ZC3H6: variants seen among roughly 807,000 people sequenced by gnomAD.
The protein encoded by ZC3H6 is zinc finger CCCH domain-containing protein 6.
ZC3H6 carries 40 observed loss-of-function variants against 107.7 expected under a neutral mutation model. The observed-to-expected ratio is 0.37, with a 90% CI of 0.29 to 0.48. The LOEUF is 0.48. Among genes scored for constraint, ZC3H6 ranks in the 20% least tolerant of loss-of-function variants. The probability of loss-of-function intolerance (pLI) is 0.98; values close to 1 mark genes in which losing one functional copy is unlikely to be tolerated. For synonymous variants in ZC3H6, 493 were observed against 487.9 expected (o/e 1.01, Z -0.14); for missense variants, 1,267 against 1,410.4 (o/e 0.90, Z 1.63).
intron 5 of ZC3H6, among the ~76,000 whole-genome samples, chr2:112,314,546 CTTG>C (rs1676656521): frequency 6.6e-6 from 1 of 151,938 alleles, no homozygotes; most frequent in African/African-American, 2.4e-5. Context: ...CTAAGTACAA[CTTG>C]TTGCATTTTT....
intron 1 of ZC3H6, among the ~76,000 whole-genome samples, chr2:112,291,340 TCTC>T (rs1405260059): frequency 6.6e-6 from 1 of 152,216 alleles, no homozygotes; most frequent in Non-Finnish European, 1.5e-5. Flanking sequence ...CTCAAGCAAT[TCTC>T]CTGCCTCAGC....
chr2:112,293,634 A>G (rs1443724863), intron 1 of ZC3H6, among the ~76,000 whole-genome samples: 1 of 152,192 alleles, frequency 6.6e-6, no homozygotes, highest in Non-Finnish European at 1.5e-5. Context: ...AGCAGACAGT[A>G]TTTTCCTTGA....
chr2:112,324,895 T>G, intron 10 of ZC3H6, 69 bp from the exon 11 acceptor site: 1 of 1,391,052 alleles, frequency 7.2e-7, no homozygotes, highest in Non-Finnish European at 9.9e-7. Flanking sequence ...GATGAAAGCT[T>G]TCATTTCTTA....
chr2:112,276,064 G>A, intron 1 of ZC3H6, 38 bp downstream of exon 1: 1 of 1,534,756 alleles, frequency 6.5e-7, no homozygotes, highest in Non-Finnish European at 8.8e-7. Context: ...TGTCGGATGA[G>A]AGGAGGGGTC....
intron 1 of ZC3H6, among the ~76,000 whole-genome samples, chr2:112,286,638 A>G (rs530964621): frequency 1.1e-4 from 17 of 152,186 alleles, no homozygotes; most frequent in Non-Finnish European, 2.1e-4. Flanking sequence ...GGGTTTTGCC[A>G]TGTTGCCCAG....
rs773630722 is a variant in ZC3H6 at position 112,276,011 on chromosome 2, A to T, written c.17A>T (p.His6Leu). ...TGACCAAACATGACAGACTCTGAAC[A>T]TGCAGGGCACGACAGGTCGGGAACC... is the stretch of plus-strand genomic sequence containing the variant. The part of the protein sequence containing the change: MTDSE[H>L]AGHDREDGEL... Residue 6 changes from histidine to leucine, a missense_variant, in exon 1 of 12, where the codon CAT becomes CTT. Physicochemically the swap from His to Leu is moderately conservative, Grantham distance 99. This residue lies in a region of ZC3H6 where 337 missense variants were observed against 361.2 expected (regional missense o/e 0.93). Transcript: ENST00000409871. 2 of 1,541,366 alleles carry T rather than the reference A, an allele frequency of 1.3e-6. No homozygotes were observed. The highest frequency in any genetic ancestry group is 2.0e-5 in the Admixed American group (1 of 50,184).
At chr2:112,319,562 C>A (rs1208065276) in intron 7 of ZC3H6, among the ~76,000 whole-genome samples, 1 of 151,986 alleles carries the variant, frequency 6.6e-6, no homozygotes, top group Non-Finnish European at 1.5e-5. Context: ...AGGAGAATCG[C>A]TTGAACCTGG....
At chr2:112,318,602 C>T (rs1354190444) in intron 7 of ZC3H6, among the ~76,000 whole-genome samples, 2 of 151,914 alleles carry the variant, frequency 1.3e-5, no homozygotes, top group Non-Finnish European at 2.9e-5. Flanking sequence ...GTCACGTTTG[C>T]AAAAATAAAA....
rs745955304 is a variant in ZC3H6 at position 112,331,237 on chromosome 2, G to A, written c.2319G>A (p.Glu773=). The change falls in exon 12 of 12, where the codon GAG becomes GAA. Residue 773 remains glutamate, a synonymous_variant. Coordinates refer to ENST00000409871, the MANE Select transcript of ZC3H6 (RefSeq NM_198581.3). Reference sequence around the variant, plus strand: ...GGCAAGACATTAGAAAGCCTTCTGAGTCTGCCCCACTGGATCTTAGACTTG... The same window carrying A: ...GGCAAGACATTAGAAAGCCTTCTGAATCTGCCCCACTGGATCTTAGACTTG... ...IPRQDIRKPS[E]SAPLDLRLAW... The A allele has an allele frequency of 2.9e-5, 46 of 1,613,606 alleles. No individual in the cohort carries two copies. The highest frequency in any genetic ancestry group is 3.6e-5 in the Non-Finnish European group (42 of 1,179,860).
chr2:112,283,808 T>C (rs1686564236), intron 1 of ZC3H6, among the ~76,000 whole-genome samples: 1 of 152,230 alleles, frequency 6.6e-6, no homozygotes, highest in South Asian at 2.1e-4. Context: ...ACTGGGATTT[T>C]GGGCATTTAT....
chr2:112,330,940 T>C, intron 11 of ZC3H6, 65 bp from the exon 12 acceptor site: 1 of 633,890 alleles, frequency 1.6e-6, no homozygotes, highest in African/African-American at 2.0e-5. Context: ...AATTATAATA[T>C]AATAATTTTA....
chr2:112,312,852 T>C (rs1288371089), intron 5 of ZC3H6, among the ~76,000 whole-genome samples: 1 of 133,160 alleles, frequency 7.5e-6, no homozygotes, highest in Non-Finnish European at 1.5e-5. Context: ...AGAGCGAGAC[T>C]CCATCTCAAA....
chr2:112,301,654 A>T (rs1676381301), intron 2 of ZC3H6, among the ~76,000 whole-genome samples: 1 of 152,182 alleles, frequency 6.6e-6, no homozygotes, highest in East Asian at 1.9e-4. Flanking sequence ...GCATATGAAA[A>T]ATTTAACCTA....
At chr2:112,306,525 A>T (rs1676481197) in intron 3 of ZC3H6, among the ~76,000 whole-genome samples, 1 of 151,948 alleles carries the variant, frequency 6.6e-6, no homozygotes, top group Non-Finnish European at 1.5e-5. Context: ...CTTTCATGTG[A>T]TCCTATCTCT....
chr2:112,322,828 T>G lies in ZC3H6; in HGVS notation c.1266T>G (p.Asp422Glu). 1 of 1,613,740 alleles carries G rather than the reference T, an allele frequency of 6.2e-7. No individual in the cohort carries two copies. The highest frequency in any genetic ancestry group is 8.5e-7 in the Non-Finnish European group (1 of 1,179,820). ...EDDFQTDFSD[D>E]FRKIPSLFEI... ...ATTTTCAGACAGATTTCTCTGATGA[T>G]TTTAGGAAAATTCCATCTCTTTTTG... is the stretch of plus-strand genomic sequence containing the variant. The change falls in exon 9 of 12, where the codon GAT becomes GAG. Residue 422 changes from aspartate (D) to glutamate (E), a missense_variant. Physicochemically the swap from Asp to Glu is conservative, Grantham distance 45. Coordinates refer to ENST00000409871, the MANE Select transcript of ZC3H6 (RefSeq NM_198581.3).
chr2:112,305,926 C>T (rs1676470152), intron 3 of ZC3H6, among the ~76,000 whole-genome samples: 1 of 152,136 alleles, frequency 6.6e-6, no homozygotes, highest in Admixed American at 6.6e-5. Flanking sequence ...GTCTTCTCTT[C>T]CCTTCAGAGA....
intron 11 of ZC3H6, among the ~76,000 whole-genome samples, chr2:112,326,916 G>T (rs1041814259): frequency 6.6e-6 from 1 of 152,042 alleles, no homozygotes. Flanking sequence ...CCTGGCCATT[G>T]TCTGTTGGTG....
At chr2:112,290,699 T>C (rs372255795) in intron 1 of ZC3H6, among the ~76,000 whole-genome samples, 25 of 152,170 alleles carry the variant, frequency 1.6e-4, no homozygotes, top group African/African-American at 3.6e-4. Flanking sequence ...TACATACATA[T>C]AGTTTTTAAG....
At chr2:112,298,632 T>G (rs2104704477) in intron 1 of ZC3H6, among the ~76,000 whole-genome samples, 1 of 152,386 alleles carries the variant, frequency 6.6e-6, no homozygotes, top group Admixed American at 6.5e-5. Context: ...TATTGCCGAG[T>G]TATCGGCAAG....
Sources: allele counts gnomAD v4.1 joint callset (sites outside exome capture counted in the v4.1 genomes callset), GRCh38; gene constraint gnomAD v4.1.1; regional missense constraint gnomAD v4.1.1; transcripts MANE v1.5; gene names NCBI Gene and HGNC (gene_info 2026-07-23, HGNC 2026-07-21).